Variants in MID2 observed in about 807,000 individuals in gnomAD.
MID2 encodes the protein midline 2, also known as probable E3 ubiquitin-protein ligase MID2.
A neutral mutation model predicts 46.1 loss-of-function variants in MID2; 13 were observed. That is an observed-to-expected ratio of 0.28 (90% CI 0.18 to 0.45). The LOEUF (loss-of-function observed/expected upper bound fraction) is 0.45, where lower values mean the gene tolerates loss of function less well. Among genes scored for constraint, MID2 ranks in the 20% least tolerant of loss-of-function variants. The probability of loss-of-function intolerance (pLI) is 1.00; values close to 1 mark genes in which losing one functional copy is unlikely to be tolerated. For missense variants in MID2, 431 were observed against 575.4 expected, an observed-to-expected ratio of 0.75 and a Z score of 2.57; for synonymous variants, 199 against 212.3, an observed-to-expected ratio of 0.94 and a Z score of 0.55.
chrX:107,844,501 C>T (rs1029137718), intron 2 of MID2, among the ~76,000 whole-genome samples: 1 of 111,446 alleles, frequency 9.0e-6, no homozygotes. Flanking sequence ...TTCTATAAAA[C>T]GGCTTCATAT....
intron 1 of MID2, among the ~76,000 whole-genome samples, chrX:107,835,792 C>T (rs950593324): frequency 9.8e-5 from 11 of 111,722 alleles, no homozygotes; most frequent in African/African-American, 2.3e-4. Context: ...CAAATATTTG[C>T]GCCTAGTCTG....
intron 1 of MID2, among the ~76,000 whole-genome samples, chrX:107,840,042 A>G (rs5962897): frequency 0.025 from 2,786 of 112,378 alleles, 76 homozygotes; most frequent in African/African-American, 0.085. Flanking sequence ...TTTACTAGGA[A>G]TAGAATGGAA....
intron 7 of MID2, among the ~76,000 whole-genome samples, chrX:107,920,499 G>A (rs2147873311): frequency 8.9e-6 from 1 of 111,940 alleles, no homozygotes; most frequent in Admixed American, 9.5e-5. Flanking sequence ...TGCCTAGCCA[G>A]GCGGACCATA....
rs761922241 is a variant in MID2, at chrX:107,828,117, T to TC, written c.4+1693dup. 1.4e-3 allele frequency among the ~76,000 whole-genome samples: 158 copies of TC among 109,542 alleles called. 1 individual carries two copies. Among genetic ancestry groups the TC allele is most frequent in the Non-Finnish European group, 2.3e-3 (120 of 52,563 alleles). ...TGGTCGTTTAAAAGTGTGTGGCACTTCCCCCCAGCTCTCTTTCTCCCTTGC... is the reference window on the plus strand; with the variant it reads ...TGGTCGTTTAAAAGTGTGTGGCACTTCCCCCCCAGCTCTCTTTCTCCCTTGC... On this transcript the variant is annotated intron_variant, in intron 1 of 9. Coordinates refer to ENST00000262843, the MANE Select transcript of MID2 (RefSeq NM_012216.4).
At chrX:107,861,864 C>G (rs983027919) in intron 3 of MID2, among the ~76,000 whole-genome samples, 1 of 111,728 alleles carries the variant, frequency 9.0e-6, no homozygotes, top group Non-Finnish European at 1.9e-5. Flanking sequence ...TTATCTCCAA[C>G]CCAGGACACT....
chrX:107,927,002 C>A lies in MID2; in HGVS notation c.2137C>A (p.Pro713Thr), dbSNP rs145359982. ...GCCTGCCCCAGATTTTATTGATTACCCTGAGCGGCAGGAATGCAACTGCAG... is the reference window on the plus strand; with the variant it reads ...GCCTGCCCCAGATTTTATTGATTACACTGAGCGGCAGGAATGCAACTGCAG... Reference protein sequence around the residue: ...GLPAPDFIDYPERQECNCRPQ... With the variant: ...GLPAPDFIDYTERQECNCRPQ... Residue 713 changes from proline to threonine, a missense_variant, in exon 10 of 10, where the codon CCT (proline) becomes ACT (threonine). Coordinates refer to ENST00000262843, the MANE Select transcript of MID2 (RefSeq NM_012216.4). 1.3e-5 allele frequency: 16 copies of A among 1,210,411 alleles called. No individual in the cohort carries two copies. The highest frequency in any genetic ancestry group is 1.8e-5 in the Non-Finnish European group (16 of 894,652).
intron 3 of MID2, among the ~76,000 whole-genome samples, chrX:107,898,916 T>A (rs116408156): frequency 0.019 from 2,079 of 111,150 alleles, 52 homozygotes; most frequent in African/African-American, 0.064. Flanking sequence ...TTATTATTAT[T>A]ATTATTGCAT....
rs1182517756 is a variant in MID2, at chrX:107,927,446, C to CG, written c.*379dup. Among the ~76,000 whole-genome samples the CG allele has an allele frequency of 9.0e-6, 1 of 111,069 alleles. No homozygotes were observed. Among genetic ancestry groups the CG allele is most frequent in the African/African-American group, 3.3e-5 (1 of 30,513 alleles). ...TGAATAAGGAGCTAGCAAGCCAGAG[C>CG]GGGGGGTGGTCAGCCTTTCTAGTAC... On this transcript the variant is annotated 3_prime_UTR_variant, in exon 10 of 10. Transcript: ENST00000262843.
At chrX:107,917,369 T>C (rs1932988763) in intron 6 of MID2, 137 bp from the exon 7 acceptor site, 1 of 534,273 alleles carries the variant, frequency 1.9e-6, no homozygotes, top group Middle Eastern at 5.7e-4. Flanking sequence ...TCAGGTTGCA[T>C]GGTTCATGCA....
intron 3 of MID2, among the ~76,000 whole-genome samples, chrX:107,855,147 G>T (rs948040893): frequency 9.0e-6 from 1 of 110,781 alleles, no homozygotes; most frequent in African/African-American, 3.3e-5. Context: ...CTCCTCTTTC[G>T]AGCCTCTCCC....
chrX:107,852,604 G>A (rs1055533094), intron 2 of MID2, among the ~76,000 whole-genome samples: 24 of 111,783 alleles, frequency 2.1e-4, no homozygotes, highest in African/African-American at 6.8e-4. Flanking sequence ...AGCCAAGGAA[G>A]CCAAGAGAGA....
In MID2 at chrX:107,857,425, C is replaced by T. The variant is rs774633480; in HGVS notation, c.816+2721C>T. 2.7e-5 allele frequency among the ~76,000 whole-genome samples: 3 copies of T among 111,238 alleles called. No homozygotes were observed. The East Asian group carries it at 8.5e-4, about 32-fold the overall frequency. The stretch of plus-strand genomic sequence containing the variant: ...CCTCCCGACTAGCTGGGATTACAGG[C>T]ACACGCCACCATGCCCGCCTAATTT... On this transcript the variant is annotated intron_variant, in intron 3 of 9. Transcript: ENST00000262843.
intron 3 of MID2, among the ~76,000 whole-genome samples, chrX:107,882,467 G>A (rs1184498532): frequency 1.8e-5 from 2 of 111,494 alleles, no homozygotes; most frequent in African/African-American, 6.6e-5. Context: ...CTGACAAAGG[G>A]CTAGTATCCA....
intron 1 of MID2, among the ~76,000 whole-genome samples, chrX:107,839,872 C>A (rs1201213411): frequency 8.9e-6 from 1 of 112,253 alleles, no homozygotes; most frequent in African/African-American, 3.2e-5. Flanking sequence ...AAACTGAAGC[C>A]ACAAGGCAAT....
In MID2 at chrX:107,926,086, T is replaced by C. The variant is rs1933170354; in HGVS notation, c.1598-8T>C. The stretch of plus-strand genomic sequence containing the variant: ...TTTTTCTTTTTTTTTTTTCTACTTA[T>C]TTTTCAGGCCAACCCTTTAAATTGG... On this transcript the variant is annotated splice_polypyrimidine_tract_variant and splice_region_variant and intron_variant, in intron 8 of 9. Transcript: ENST00000262843. 1 of 1,163,481 alleles carries C rather than the reference T, an allele frequency of 8.6e-7. No homozygotes were observed. The highest frequency in any genetic ancestry group is 1.2e-6 in the Non-Finnish European group (1 of 867,712).
At chrX:107,844,217 A>G in intron 2 of MID2, among the ~76,000 whole-genome samples, 1 of 111,543 alleles carries the variant, frequency 9.0e-6, no homozygotes, top group Admixed American at 9.6e-5. Flanking sequence ...TGTCTTTTTA[A>G]CATGTTCTCA....
At chrX:107,900,253 A>G (rs1272351004) in intron 3 of MID2, among the ~76,000 whole-genome samples, 3 of 111,366 alleles carry the variant, frequency 2.7e-5, no homozygotes, top group African/African-American at 9.8e-5. Flanking sequence ...TCACTGGAGT[A>G]TATTTTATAA....
intron 3 of MID2, among the ~76,000 whole-genome samples, chrX:107,883,118 G>A (rs1437086954): frequency 4.5e-5 from 5 of 111,369 alleles, no homozygotes; most frequent in Non-Finnish European, 9.4e-5. Context: ...ACCAAACACT[G>A]CATGTTCTCA....
intron 3 of MID2, among the ~76,000 whole-genome samples, chrX:107,903,273 A>G (rs1439373844): frequency 9.1e-6 from 1 of 109,649 alleles, no homozygotes; most frequent in Non-Finnish European, 1.9e-5. Context: ...CAATAATAAT[A>G]GAGATGAGGA....
Sources: gnomAD v4.1 joint callset for allele counts (sites outside exome capture counted in the v4.1 genomes callset) on GRCh38, gnomAD v4.1.1 for gene constraint, MANE v1.5 for transcripts, NCBI Gene and HGNC (gene_info 2026-07-23, HGNC 2026-07-21) for gene names.